Variants in FHIT observed in about 807,000 individuals in gnomAD.
FHIT encodes the protein fragile histidine triad diadenosine triphosphatase.
In FHIT, 19 loss-of-function variants were observed where a neutral mutation model predicts 17.9. That is an observed-to-expected ratio of 1.06 (90% CI 0.74 to 1.56). FHIT has a LOEUF of 1.56. Among genes scored for constraint, FHIT ranks in the 40% most tolerant of loss-of-function variants. The pLI is 0.00. For missense variants in FHIT, 248 were observed against 189.2 expected (o/e 1.31, Z -1.82); for synonymous variants, 81 against 69.7 (o/e 1.16, Z -0.81).
chr3:59,788,445 C>T (rs1240048775), intron 8 of FHIT, among the ~76,000 whole-genome samples: 3 of 152,170 alleles, frequency 2.0e-5, no homozygotes, highest in Non-Finnish European at 4.4e-5. Context: ...AGACTGGCTC[C>T]GTGCCACCCT....
At chr3:61,039,079 T>A (rs2033385066) in intron 3 of FHIT, among the ~76,000 whole-genome samples, 1 of 152,134 alleles carries the variant, frequency 6.6e-6, no homozygotes, top group Non-Finnish European at 1.5e-5. Context: ...TAAAAATATA[T>A]ATATATAAAG....
chr3:59,865,194 T>G (rs1702588584), intron 8 of FHIT, among the ~76,000 whole-genome samples: 1 of 152,204 alleles, frequency 6.6e-6, no homozygotes, highest in Non-Finnish European at 1.5e-5. Flanking sequence ...TTATCAAACT[T>G]AAAAGCATAA....
At chr3:60,185,845 C>T (rs1039585925) in intron 5 of FHIT, among the ~76,000 whole-genome samples, 1 of 152,192 alleles carries the variant, frequency 6.6e-6, no homozygotes, top group Non-Finnish European at 1.5e-5. Context: ...TATTGTCACA[C>T]ACCAGTGGCT....
chr3:60,300,830 G>A (rs987827502), intron 5 of FHIT, among the ~76,000 whole-genome samples: 8 of 152,000 alleles, frequency 5.3e-5, no homozygotes, highest in African/African-American at 1.9e-4. Context: ...GTCAAAATAA[G>A]AATATCACAG....
intron 5 of FHIT, among the ~76,000 whole-genome samples, chr3:60,351,272 T>G (rs137865871): frequency 5.3e-5 from 8 of 152,196 alleles, no homozygotes; most frequent in Admixed American, 5.2e-4. Context: ...TTGACTGATA[T>G]TTATTTTTTG....
chr3:60,334,131 C>A (rs1710122254), intron 5 of FHIT, among the ~76,000 whole-genome samples: 1 of 152,150 alleles, frequency 6.6e-6, no homozygotes, highest in African/African-American at 2.4e-5. Context: ...ATGGAAGGAC[C>A]TAGACTGAAC....
At chr3:60,338,424 G>A (rs1274129685) in intron 5 of FHIT, among the ~76,000 whole-genome samples, 6 of 151,904 alleles carry the variant, frequency 3.9e-5, no homozygotes, top group East Asian at 1.9e-4. Flanking sequence ...CGAGTGCAGC[G>A]GCATGATCTC....
intron 4 of FHIT, among the ~76,000 whole-genome samples, chr3:60,714,494 G>T (rs1449784569): frequency 6.6e-6 from 1 of 152,202 alleles, no homozygotes; most frequent in Non-Finnish European, 1.5e-5. Flanking sequence ...AAGTCAAATT[G>T]TTCCTGTTTG....
intron 4 of FHIT, among the ~76,000 whole-genome samples, chr3:60,565,527 G>A (rs1241269724): frequency 6.6e-6 from 1 of 151,946 alleles, no homozygotes; most frequent in African/African-American, 2.4e-5. Flanking sequence ...TGAGAGCAAT[G>A]GATTTCATTT....
intron 4 of FHIT, among the ~76,000 whole-genome samples, chr3:60,578,646 T>C (rs2107676027): frequency 6.6e-6 from 1 of 152,230 alleles, no homozygotes; most frequent in Non-Finnish European, 1.5e-5. Context: ...ATTTAAAGAA[T>C]AATTTAAAAG....
intron 2 of FHIT, among the ~76,000 whole-genome samples, chr3:61,108,960 G>C (rs1398935220): frequency 6.6e-6 from 1 of 152,168 alleles, no homozygotes; most frequent in Non-Finnish European, 1.5e-5. Flanking sequence ...TAGCCTAAAA[G>C]ACTAAATCTA....
intron 7 of FHIT, among the ~76,000 whole-genome samples, chr3:59,956,625 G>A (rs575826743): frequency 2.2e-4 from 33 of 152,172 alleles, no homozygotes; most frequent in Non-Finnish European, 4.1e-4. Flanking sequence ...CCAAGATCGC[G>A]CCACTGCACT....
chr3:60,912,763 T>C (rs781811740), intron 3 of FHIT: 3 of 516,652 alleles, frequency 5.8e-6, no homozygotes, highest in Admixed American at 2.0e-5. Context: ...TCTCACAATT[T>C]GCAGAAACTC....
At chr3:60,780,879 C>A (rs1575515965) in intron 4 of FHIT, among the ~76,000 whole-genome samples, 1 of 152,126 alleles carries the variant, frequency 6.6e-6, no homozygotes, top group Non-Finnish European at 1.5e-5. Flanking sequence ...CTGTGTGGAA[C>A]CTGGAATTCA....
chr3:59,773,854 CG>C (rs1291980010), intron 8 of FHIT, among the ~76,000 whole-genome samples: 1 of 152,116 alleles, frequency 6.6e-6, no homozygotes, highest in Non-Finnish European at 1.5e-5. Context: ...CCCTGTAAAA[CG>C]GCTTGTCTGA....
At chr3:61,102,466 T>C (rs538055981) in intron 2 of FHIT, among the ~76,000 whole-genome samples, 3 of 152,338 alleles carry the variant, frequency 2.0e-5, no homozygotes, top group South Asian at 4.1e-4. Flanking sequence ...CAGTATTTTA[T>C]TGAGGATTTC....
At chr3:60,183,703 G>A (rs1702040473) in intron 5 of FHIT, among the ~76,000 whole-genome samples, 1 of 152,062 alleles carries the variant, frequency 6.6e-6, no homozygotes, top group Non-Finnish European at 1.5e-5. Flanking sequence ...TGCCTCCCCA[G>A]AATCCCTTTA....
chr3:60,055,653 A>G (rs1702052527), intron 5 of FHIT, among the ~76,000 whole-genome samples: 1 of 152,174 alleles, frequency 6.6e-6, no homozygotes. Flanking sequence ...GCATTTAGAG[A>G]AAGCTTTTTG....
chr3:60,460,415 TA>T (rs796684753), intron 5 of FHIT, among the ~76,000 whole-genome samples: 16 of 148,126 alleles, frequency 1.1e-4, no homozygotes, highest in East Asian at 2.0e-4. Context: ...TTATATTGGT[TA>T]AAAAAAAAAG....
Sources: allele counts gnomAD v4.1 joint callset (sites outside exome capture counted in the v4.1 genomes callset), GRCh38; gene constraint gnomAD v4.1.1; transcripts MANE v1.5; gene names NCBI Gene and HGNC (gene_info 2026-07-23, HGNC 2026-07-21).